Variants in BAIAP2 observed in about 807,000 individuals in gnomAD.
BAIAP2 encodes BAR/IMD domain-containing adapter protein 2.
Under a neutral mutation model 63.0 loss-of-function variants are expected in BAIAP2, and 18 were observed. The ratio of observed to expected loss-of-function variants is 0.29; its 90% CI spans 0.20 to 0.42. BAIAP2 has a LOEUF of 0.42. Among genes scored for constraint, BAIAP2 ranks in the 10% least tolerant of loss-of-function variants. The probability of loss-of-function intolerance (pLI) is 1.00; values close to 1 mark genes in which losing one functional copy is unlikely to be tolerated. For missense variants in BAIAP2, 610 were observed against 734.3 expected (o/e 0.83, Z 1.96); for synonymous variants, 386 against 307.6 (o/e 1.25, Z -2.67).
At chr17:81,115,151 G>C (rs1347083127) in intron 13 of BAIAP2, among the ~76,000 whole-genome samples, 2 of 152,236 alleles carry the variant, frequency 1.3e-5, no homozygotes, top group Non-Finnish European at 2.9e-5. Context: ...GGGATATGGG[G>C]GAGGGCGCGG....
Position 81,035,225 on chromosome 17 carries a change from C to A in BAIAP2, c.-30C>A, listed in dbSNP as rs756201391. ...CTGCCGCCGCTTGCGTCCCCCGCTC[C>A]GGTCTGTGGTGCAGCCGGGACCCAG... is the stretch of plus-strand genomic sequence containing the variant. On this transcript the variant is annotated 5_prime_UTR_variant, in exon 1 of 14. Transcript: ENST00000428708. The A allele has an allele frequency of 6.8e-7, 1 of 1,474,418 alleles. No homozygotes were observed. Among genetic ancestry groups the A allele is most frequent in the Admixed American group, 2.1e-5 (1 of 46,912 alleles). The allele number at this position is 1,474,418 out of a possible 1,614,324, so 91.3% of individuals were successfully genotyped here.
intron 6 of BAIAP2, among the ~76,000 whole-genome samples, chr17:81,099,238 C>T (rs117177494): frequency 0.012 from 1,816 of 151,310 alleles, 20 homozygotes; most frequent in Middle Eastern, 0.027. Context: ...TTCCTTCTCA[C>T]GTTCTCCCTT....
chr17:81,100,223 G>T, intron 7 of BAIAP2, 143 bp downstream of exon 7: 4 of 1,248,630 alleles, frequency 3.2e-6, no homozygotes, highest in Non-Finnish European at 4.3e-6. Context: ...TTTTCTTGGG[G>T]GTGAAGTTCT....
chr17:81,072,083 G>C (rs1245242917), intron 3 of BAIAP2, among the ~76,000 whole-genome samples: 1 of 152,214 alleles, frequency 6.6e-6, no homozygotes, highest in Non-Finnish European at 1.5e-5. Flanking sequence ...CCCACGTAGG[G>C]CTGGGGTTCC....
chr17:81,116,899 T>C lies in BAIAP2; in HGVS notation c.*1060T>C, dbSNP rs1428072306. On this transcript the variant is annotated 3_prime_UTR_variant, in exon 14 of 14. Transcript: ENST00000428708. ...TAGAGTTGGCGGGCCAGGAGGGCAGTTGAGAGCTGGCCAGCGGAGGGTGCA... is the reference window on the plus strand; with the variant it reads ...TAGAGTTGGCGGGCCAGGAGGGCAGCTGAGAGCTGGCCAGCGGAGGGTGCA... The C allele has an allele frequency of 6.4e-6, 1 of 155,122 alleles. No homozygotes were observed. The highest frequency in any genetic ancestry group is 1.4e-5 in the Non-Finnish European group (1 of 69,668). The allele number at this position is 155,122 out of a possible 1,614,324, so 9.6% of individuals were successfully genotyped here. A position where few individuals can be genotyped will look rare whatever the true frequency, so the allele number is the denominator to read the frequency against.
At chr17:81,066,384 C>T (rs896870044) in intron 3 of BAIAP2, among the ~76,000 whole-genome samples, 4 of 152,220 alleles carry the variant, frequency 2.6e-5, no homozygotes, top group Admixed American at 1.3e-4. Flanking sequence ...ATTTTGGTCA[C>T]TGAGTCACTG....
chr17:81,116,318 C>A lies in BAIAP2; in HGVS notation c.*479C>A, dbSNP rs755700006. On this transcript the variant is annotated 3_prime_UTR_variant, in exon 14 of 14. Coordinates refer to ENST00000428708, the MANE Select transcript of BAIAP2 (RefSeq NM_001144888.2). The stretch of plus-strand genomic sequence containing the variant: ...GGCTGGAAGATGAACTTCCCGTAAG[C>A]ACGTAATTCCCTGCAGGTCCGGCAG... 1.2e-6 allele frequency: 2 copies of A among 1,612,710 alleles called. No individual in the cohort carries two copies. The highest frequency in any genetic ancestry group is 1.7e-6 in the Non-Finnish European group (2 of 1,179,878).
rs539446157 is a variant in BAIAP2 at position 81,063,188 on chromosome 17, G to A, written c.217+5221G>A. Among the ~76,000 whole-genome samples, 10 of 152,274 alleles carry A rather than the reference G, an allele frequency of 6.6e-5. 1 individual carries two copies. The South Asian group carries it at 1.9e-3, about 28-fold the overall frequency. On this transcript the variant is annotated intron_variant, in intron 3 of 13. Coordinates refer to ENST00000428708, the MANE Select transcript of BAIAP2 (RefSeq NM_001144888.2). Reference sequence around the variant, plus strand: ...AGAAACAAGAGGCTTTTGCAGAAATGTGAAAGGTCTGGAGCGTATGAGGGG... The same window carrying A: ...AGAAACAAGAGGCTTTTGCAGAAATATGAAAGGTCTGGAGCGTATGAGGGG...
At chr17:81,075,625 C>G (rs1010808736) in intron 3 of BAIAP2, among the ~76,000 whole-genome samples, 2 of 152,218 alleles carry the variant, frequency 1.3e-5, no homozygotes, top group African/African-American at 4.8e-5. Flanking sequence ...CTGAGTGACC[C>G]TCTCCAAGGA....
At chr17:81,036,084 C>G (rs1238733168) in intron 1 of BAIAP2, 3 of 152,268 alleles carry the variant, frequency 2.0e-5, no homozygotes, top group Non-Finnish European at 2.9e-5. Flanking sequence ...CGCAGAGCAC[C>G]GCTGGAAGCC....
At chr17:81,070,894 G>A (rs943959030) in intron 3 of BAIAP2, among the ~76,000 whole-genome samples, 2 of 152,186 alleles carry the variant, frequency 1.3e-5, no homozygotes, top group Admixed American at 6.5e-5. Context: ...CCTTGGAGCC[G>A]GCGGGTTGGA....
chr17:81,036,725 G>A, intron 1 of BAIAP2: 2 of 715,086 alleles, frequency 2.8e-6, no homozygotes, highest in South Asian at 3.7e-5. Context: ...CAGGCCCTGG[G>A]GTTGTTAGGT....
rs755574488 is a variant in BAIAP2, at chr17:81,116,271, G to A, written c.*432G>A. The A allele has an allele frequency of 1.6e-5, 26 of 1,612,780 alleles. No homozygotes were observed. The highest frequency in any genetic ancestry group is 9.9e-5 in the South Asian group (9 of 91,092). ...CAAGGGCCAGAAGGCCGGGAGCACG[G>A]GGATGGGAGCGCCCGCACCCTGGCT... On this transcript the variant is annotated 3_prime_UTR_variant, in exon 14 of 14. Transcript: ENST00000428708.
chr17:81,061,029 C>G (rs1598582404), intron 3 of BAIAP2, among the ~76,000 whole-genome samples: 1 of 152,206 alleles, frequency 6.6e-6, no homozygotes, highest in African/African-American at 2.4e-5. Flanking sequence ...GAGGCTGAGA[C>G]AGGAGAATCG....
intron 2 of BAIAP2, among the ~76,000 whole-genome samples, chr17:81,055,804 A>G (rs2049453016): frequency 6.6e-6 from 1 of 151,650 alleles, no homozygotes; most frequent in Non-Finnish European, 1.5e-5. Flanking sequence ...TGACCTCGTG[A>G]TCCGCCCGCC....
At chr17:81,110,405 G>A (rs2059777664) in intron 13 of BAIAP2, 2 of 989,042 alleles carry the variant, frequency 2.0e-6, no homozygotes, top group Non-Finnish European at 2.4e-6. Context: ...GTATGAAGAT[G>A]TAAAGTGCTG....
At chr17:81,104,269 C>T (rs1404766724) in intron 9 of BAIAP2, among the ~76,000 whole-genome samples, 161 bp downstream of exon 9, 1 of 152,210 alleles carries the variant, frequency 6.6e-6, no homozygotes, top group African/African-American at 2.4e-5. Flanking sequence ...GTGTGCCTGC[C>T]CAGCATCCAG....
At chr17:81,069,661 T>G (rs958320456) in intron 3 of BAIAP2, among the ~76,000 whole-genome samples, 1 of 152,162 alleles carries the variant, frequency 6.6e-6, no homozygotes, top group African/African-American at 2.4e-5. Flanking sequence ...GGCGTGGTTC[T>G]CCATCCATGG....
intron 3 of BAIAP2, among the ~76,000 whole-genome samples, chr17:81,068,796 G>C (rs1005200965): frequency 1.3e-5 from 2 of 152,196 alleles, no homozygotes; most frequent in African/African-American, 4.8e-5. Flanking sequence ...TCAGGATGGG[G>C]GGCCATATCT....
Sources: gnomAD v4.1 joint callset for allele counts (sites outside exome capture counted in the v4.1 genomes callset) on GRCh38, gnomAD v4.1.1 for gene constraint, MANE v1.5 for transcripts, NCBI Gene and HGNC (gene_info 2026-07-23, HGNC 2026-07-21) for gene names.